TDRD12: variants seen among roughly 807,000 people sequenced by gnomAD.
TDRD12 encodes putative ATP-dependent RNA helicase TDRD12.
In TDRD12, 158 loss-of-function variants were observed where a neutral mutation model predicts 133.5. That is an observed-to-expected ratio of 1.18 (90% confidence interval 1.04 to 1.35). TDRD12 has a LOEUF of 1.35. Among genes scored for constraint, TDRD12 ranks in the 40% most tolerant of loss-of-function variants. The pLI is 0.00. For missense variants in TDRD12, 1,443 were observed against 1,321.3 expected, an observed-to-expected ratio of 1.09 and a Z score of -1.43; for synonymous variants, 460 against 477.9, an observed-to-expected ratio of 0.96 and a Z score of 0.49.
chr19:32,752,443 G>C (rs1192574391), intron 6 of TDRD12, among the ~76,000 whole-genome samples: 1 of 152,168 alleles, frequency 6.6e-6, no homozygotes, highest in Non-Finnish European at 1.5e-5. Flanking sequence ...GCCTCCCAAA[G>C]TGCTGGGATT....
intron 3 of TDRD12, among the ~76,000 whole-genome samples, chr19:32,739,954 AGGTACTCTATGCATCTCCTG>A (rs1969361740): frequency 1.7e-5 from 1 of 57,554 alleles, no homozygotes; most frequent in Non-Finnish European, 3.3e-5. Context: ...TGCATCTCCT[AGGTACTCTATGCATCTCCTG>A]GGTGCTGTCT....
intron 11 of TDRD12, 34 bp downstream of exon 11, chr19:32,777,263 T>C (rs1018235685): frequency 8.2e-7 from 1 of 1,218,212 alleles, no homozygotes; most frequent in South Asian, 1.5e-5. Flanking sequence ...AATTGTGTAT[T>C]GAAATAATTA....
At chr19:32,802,107 G>C (rs1971405465) in intron 19 of TDRD12, among the ~76,000 whole-genome samples, 1 of 147,992 alleles carries the variant, frequency 6.8e-6, no homozygotes. Flanking sequence ...TCTCCCTAGA[G>C]TTATAGCTTG....
At chr19:32,795,409 C>CT (rs1971197466) in intron 14 of TDRD12, among the ~76,000 whole-genome samples, 1 of 151,586 alleles carries the variant, frequency 6.6e-6, no homozygotes, top group South Asian at 2.1e-4. Context: ...AGACCTGAGT[C>CT]TATCTATCCA....
chr19:32,776,424 G>A (rs889586030), intron 10 of TDRD12, among the ~76,000 whole-genome samples: 2 of 152,114 alleles, frequency 1.3e-5, no homozygotes, highest in East Asian at 1.9e-4. Flanking sequence ...CTTGGGGCCC[G>A]GTGAGGAAAG....
chr19:32,779,349 A>C (rs945273132), intron 11 of TDRD12, among the ~76,000 whole-genome samples: 2 of 152,168 alleles, frequency 1.3e-5, no homozygotes, highest in African/African-American at 4.8e-5. Context: ...TCAAGCCTGT[A>C]AGTACCAGTA....
chr19:32,775,540 C>T (rs1450164660), intron 10 of TDRD12, among the ~76,000 whole-genome samples: 4 of 152,184 alleles, frequency 2.6e-5, no homozygotes, highest in Admixed American at 6.5e-5. Flanking sequence ...GCTATGTTGC[C>T]CTGGCTGGTC....
intron 16 of TDRD12, among the ~76,000 whole-genome samples, chr19:32,798,756 A>G (rs1971302001): frequency 6.6e-6 from 1 of 152,238 alleles, no homozygotes; most frequent in Non-Finnish European, 1.5e-5. Flanking sequence ...CAGCCTGCAC[A>G]GCCATAGTTT....
chr19:32,784,978 A>T (rs554136056), intron 11 of TDRD12, among the ~76,000 whole-genome samples: 1 of 151,862 alleles, frequency 6.6e-6, no homozygotes, highest in South Asian at 2.1e-4. Context: ...CTGTGTCACT[A>T]TCTCCTTCAG....
intron 1 of TDRD12, among the ~76,000 whole-genome samples, chr19:32,730,670 A>G (rs1179284015): frequency 6.6e-6 from 1 of 151,768 alleles, no homozygotes; most frequent in Non-Finnish European, 1.5e-5. Context: ...TTTTTGCCCA[A>G]ATCTTGAGAT....
At chr19:32,800,868 GGAA>G in intron 18 of TDRD12, 96 bp downstream of exon 18, 1 of 1,273,522 alleles carries the variant, frequency 7.9e-7, no homozygotes, top group Non-Finnish European at 1.0e-6. Flanking sequence ...TCTGTGGCAG[GGAA>G]GTAAAGTTTT....
At chr19:32,780,499 C>T (rs1970732090) in intron 11 of TDRD12, among the ~76,000 whole-genome samples, 1 of 152,228 alleles carries the variant, frequency 6.6e-6, no homozygotes, top group Non-Finnish European at 1.5e-5. Context: ...CAGGGTCAGA[C>T]ACTGTCCTTC....
chr19:32,802,136 A>G (rs577498343), intron 19 of TDRD12, among the ~76,000 whole-genome samples: 1 of 142,452 alleles, frequency 7.0e-6, no homozygotes, highest in South Asian at 2.1e-4. Flanking sequence ...TATCATATAT[A>G]TGATATATAT....
intron 22 of TDRD12, among the ~76,000 whole-genome samples, chr19:32,807,926 T>C (rs1365761951): frequency 6.6e-6 from 1 of 152,150 alleles, no homozygotes; most frequent in Non-Finnish European, 1.5e-5. Flanking sequence ...TTGGGGGCCA[T>C]TAAAAATAAT....
At chr19:32,757,747 G>T (rs1043551944) in intron 8 of TDRD12, among the ~76,000 whole-genome samples, 4 of 152,174 alleles carry the variant, frequency 2.6e-5, no homozygotes, top group African/African-American at 9.7e-5. Flanking sequence ...TTGAGGGGCT[G>T]CTGTACTTTG....
chr19:32,817,291 A>AC (rs1191447731), intron 26 of TDRD12, among the ~76,000 whole-genome samples: 3 of 151,528 alleles, frequency 2.0e-5, no homozygotes, highest in Non-Finnish European at 4.4e-5. Flanking sequence ...TCCAGAGTCC[A>AC]CCCCCCGCCC....
At chr19:32,820,343 A>G (rs570573957) in intron 27 of TDRD12, among the ~76,000 whole-genome samples, 68 of 152,284 alleles carry the variant, frequency 4.5e-4, no homozygotes, top group African/African-American at 1.6e-3. Context: ...GTCACCCACG[A>G]GGAAGGGAGC....
rs372312830 is a variant in TDRD12, at chr19:32,752,426, C to T, written c.582+2557C>T. On this transcript the variant is annotated intron_variant, in intron 6 of 27. Transcript: ENST00000444215. ...AACTCCTGACCTTAGGTGATCCACC[C>T]GTCTTGGCCTCCCAAAGTGCTGGGA... Among the ~76,000 whole-genome samples the T allele has an allele frequency of 9.8e-4, 146 of 149,328 alleles. 1 individual carries two copies. The South Asian group carries it at 0.027, about 27-fold the overall frequency.
chr19:32,802,266 A>G (rs144415691), intron 19 of TDRD12, among the ~76,000 whole-genome samples: 464 of 149,230 alleles, frequency 3.1e-3, no homozygotes, highest in African/African-American at 0.011. Context: ...GATCATATAT[A>G]TGATCATATA....
Sources: gnomAD v4.1 joint callset for allele counts (sites outside exome capture counted in the v4.1 genomes callset) on GRCh38, gnomAD v4.1.1 for gene constraint, MANE v1.5 for transcripts, NCBI Gene and HGNC (gene_info 2026-07-23, HGNC 2026-07-21) for gene names.